Variants in DNM1L observed in about 807,000 individuals in gnomAD.
DNM1L encodes dynamin-1-like protein.
In DNM1L, 33 loss-of-function variants were observed where a neutral mutation model predicts 92.8. The ratio of observed to expected loss-of-function variants is 0.36; its 90% confidence interval spans 0.27 to 0.48. The LOEUF is 0.48. Ranked by LOEUF, DNM1L falls within the 20% of genes least tolerant of loss-of-function variation. The probability of loss-of-function intolerance (pLI) is 0.99; values close to 1 mark genes in which losing one functional copy is unlikely to be tolerated. For missense variants in DNM1L, 485 were observed against 888.8 expected (o/e 0.55, Z 5.78); for synonymous variants, 284 against 305.0 (o/e 0.93, Z 0.72).
intron 1 of DNM1L, among the ~76,000 whole-genome samples, chr12:32,683,296 C>T (rs1027269741): frequency 6.6e-6 from 1 of 151,042 alleles, no homozygotes; most frequent in Non-Finnish European, 1.5e-5. Flanking sequence ...TAATCCATAG[C>T]TCACTGTAAC....
At chr12:32,707,143 G>C (rs1187637252) in intron 2 of DNM1L, 1 of 442,566 alleles carries the variant, frequency 2.3e-6, no homozygotes, top group African/African-American at 2.0e-5. Flanking sequence ...CCTGAAGTTG[G>C]TCATGTTTTT....
intron 1 of DNM1L, among the ~76,000 whole-genome samples, chr12:32,688,352 T>A (rs991299790): frequency 2.6e-5 from 4 of 152,234 alleles, no homozygotes; most frequent in Non-Finnish European, 5.9e-5. Context: ...AGTTAGAATT[T>A]TTGATGGGGA....
intron 5 of DNM1L, chr12:32,711,287 G>A (rs1181882873): frequency 5.2e-6 from 2 of 387,938 alleles, no homozygotes; most frequent in Admixed American, 4.0e-5. Flanking sequence ...GTGCCCCAGA[G>A]CTCAGTTTAT....
intron 2 of DNM1L, among the ~76,000 whole-genome samples, chr12:32,704,347 C>T (rs1412668094): frequency 3.3e-5 from 5 of 151,902 alleles, no homozygotes; most frequent in Non-Finnish European, 5.9e-5. Flanking sequence ...GTCAGGAGTT[C>T]GAGACCAGCC....
chr12:32,680,513 C>CGTTT (rs146651850), intron 1 of DNM1L, among the ~76,000 whole-genome samples: 9 of 152,088 alleles, frequency 5.9e-5, no homozygotes, highest in Admixed American at 3.9e-4. Context: ...ACCCTGTACT[C>CGTTT]GTTTGTTTGT....
At chr12:32,704,440 A>C (rs1565504543) in intron 2 of DNM1L, among the ~76,000 whole-genome samples, 3 of 151,748 alleles carry the variant, frequency 2.0e-5, no homozygotes, top group African/African-American at 7.2e-5. Context: ...ATCCCAGCTA[A>C]TCGGGAGGCT....
chr12:32,721,829 T>C (rs1287536821), intron 8 of DNM1L, among the ~76,000 whole-genome samples: 1 of 152,168 alleles, frequency 6.6e-6, no homozygotes, highest in Non-Finnish European at 1.5e-5. Flanking sequence ...GATCCCCTTT[T>C]CATGTTTGAT....
chr12:32,738,888 A>C (rs567910660), intron 16 of DNM1L, among the ~76,000 whole-genome samples: 266 of 152,262 alleles, frequency 1.7e-3, no homozygotes, highest in Middle Eastern at 0.01. Context: ...TAAAGTTCTG[A>C]ACTTCAAATA....
intron 4 of DNM1L, among the ~76,000 whole-genome samples, chr12:32,710,239 C>G (rs1238859699): frequency 6.6e-6 from 1 of 152,196 alleles, no homozygotes; most frequent in Non-Finnish European, 1.5e-5. Context: ...TGAGAAATCT[C>G]TTACTGTACA....
chr12:32,718,877 C>T, intron 7 of DNM1L, 114 bp downstream of exon 7: 3 of 1,404,222 alleles, frequency 2.1e-6, no homozygotes, highest in East Asian at 4.7e-5. Flanking sequence ...TGATGCTGTA[C>T]TATATTTTTT....
rs201280879 is a variant in DNM1L at position 32,743,415 on chromosome 12, A to G, written c.*5A>G. 6.2e-7 allele frequency: 1 copy of G among 1,612,472 alleles called. No individual in the cohort carries two copies. The highest frequency in any genetic ancestry group is 1.1e-5 in the South Asian group (1 of 91,050). ...CGGGAGACTCATCTTTGGTGAAGAG[A>G]ACTATGTAATACTGAGACTTTGTTG... On this transcript the variant is annotated 3_prime_UTR_variant, in exon 20 of 20. Transcript: ENST00000549701.
intron 9 of DNM1L, among the ~76,000 whole-genome samples, chr12:32,724,587 AAAAAAAATAT>A (rs1430894125): frequency 0.023 from 1,642 of 72,000 alleles, 31 homozygotes; most frequent in African/African-American, 0.054. Context: ...AAAAAAAAAA[AAAAAAAATAT>A]ATATATATAT....
chr12:32,690,829 A>G (rs961599050), intron 1 of DNM1L, among the ~76,000 whole-genome samples: 2 of 152,202 alleles, frequency 1.3e-5, no homozygotes, highest in African/African-American at 4.8e-5. Context: ...GGGCAGATGT[A>G]TAGAAATGTT....
At chr12:32,680,284 C>T (rs1390474561) in intron 1 of DNM1L, among the ~76,000 whole-genome samples, 2 of 152,056 alleles carry the variant, frequency 1.3e-5, no homozygotes, top group South Asian at 2.1e-4. Flanking sequence ...GTATAATTTT[C>T]CTTTTCTCTG....
intron 1 of DNM1L, among the ~76,000 whole-genome samples, chr12:32,691,811 T>C (rs561021514): frequency 2.0e-5 from 3 of 152,264 alleles, no homozygotes; most frequent in African/African-American, 7.2e-5. Context: ...GAAACGATAA[T>C]CCTAACAGAT....
intron 2 of DNM1L, chr12:32,706,003 C>T: frequency 2.9e-6 from 2 of 697,136 alleles, no homozygotes; most frequent in Non-Finnish European, 4.3e-6. Context: ...TTTAGTGGTT[C>T]TTGTTATTTT....
chr12:32,703,905 GA>G (rs1381519931), intron 2 of DNM1L, among the ~76,000 whole-genome samples: 2 of 152,160 alleles, frequency 1.3e-5, no homozygotes, highest in Admixed American at 6.5e-5. Context: ...TCAGTATGTA[GA>G]TTTATGGTCA....
intron 7 of DNM1L, 55 bp downstream of exon 7, chr12:32,718,818 G>T: frequency 6.2e-7 from 1 of 1,603,890 alleles, no homozygotes; most frequent in South Asian, 1.1e-5. Flanking sequence ...AATGGGATAA[G>T]CATTCTCACT....
At chr12:32,698,073 G>A (rs979289301) in intron 1 of DNM1L, among the ~76,000 whole-genome samples, 2 of 151,970 alleles carry the variant, frequency 1.3e-5, no homozygotes, top group Non-Finnish European at 2.9e-5. Context: ...TACAGTATCA[G>A]AGTACAGGAA....
Sources: allele counts gnomAD v4.1 joint callset (sites outside exome capture counted in the v4.1 genomes callset), GRCh38; gene constraint gnomAD v4.1.1; transcripts MANE v1.5; gene names NCBI Gene and HGNC (gene_info 2026-07-23, HGNC 2026-07-21).